Variants in SSR1 observed in about 807,000 individuals in gnomAD.
SSR1 encodes the protein signal sequence receptor subunit 1.
SSR1 carries 13 observed loss-of-function variants against 36.1 expected under a neutral mutation model. The ratio of observed to expected loss-of-function variants is 0.36; its 90% CI spans 0.23 to 0.57. The LOEUF is 0.57. SSR1 is among the 20% of genes least tolerant of loss of function. SSR1 has a pLI of 0.81. For synonymous variants in SSR1, 113 were observed against 118.9 expected (o/e 0.95, Z 0.32); for missense variants, 291 against 338.5 (o/e 0.86, Z 1.10).
chr6:7,296,087 G>A (rs762050427), intron 6 of SSR1, among the ~76,000 whole-genome samples: 13 of 151,996 alleles, frequency 8.6e-5, no homozygotes, highest in Non-Finnish European at 1.8e-4. Flanking sequence ...AAAACAAAAC[G>A]AAACCATAAA....
At chr6:7,303,493 C>A in intron 3 of SSR1, 57 bp downstream of exon 3, 2 of 1,251,890 alleles carry the variant, frequency 1.6e-6, no homozygotes, top group East Asian at 2.3e-5. Flanking sequence ...TATATATGAA[C>A]AAGCTCATCG....
intron 2 of SSR1, among the ~76,000 whole-genome samples, chr6:7,306,906 G>A (rs1473719491): frequency 3.2e-5 from 4 of 123,736 alleles, no homozygotes; most frequent in Non-Finnish European, 6.4e-5. Context: ...GACAGAGCGA[G>A]ACTCTGTCTG....
At chr6:7,295,637 G>T (rs930419611) in intron 6 of SSR1, 152 bp from the exon 7 acceptor site, 1 of 549,648 alleles carries the variant, frequency 1.8e-6, no homozygotes, top group African/African-American at 2.0e-5. Flanking sequence ...CCAAGTAGCT[G>T]GGACTATAGG....
Position 7,294,434 on chromosome 6 carries a change from TC to T in SSR1, c.793+957del, listed in dbSNP as rs572627603. ...CGGGCGTGGTGGCTCACGCCTGTAA[TC>T]CCAGGACTTTGGGAGGCCGAGGCTA... On this transcript the variant is annotated intron_variant, in intron 7 of 7. Transcript: ENST00000244763. Among the ~76,000 whole-genome samples the T allele has an allele frequency of 1.6e-3, 250 of 152,338 alleles. 4 individuals are homozygous for T. Among genetic ancestry groups the T allele is most frequent in the South Asian group, 0.011 (55 of 4,826 alleles).
At chr6:7,311,101 T>C (rs1157092975) in intron 1 of SSR1, among the ~76,000 whole-genome samples, 1 of 152,194 alleles carries the variant, frequency 6.6e-6, no homozygotes, top group East Asian at 1.9e-4. Context: ...AAAAACTGTA[T>C]TGGTAGCTTC....
chr6:7,310,501 G>A (rs1473097734), intron 1 of SSR1, among the ~76,000 whole-genome samples: 1 of 152,182 alleles, frequency 6.6e-6, no homozygotes, highest in Non-Finnish European at 1.5e-5. Context: ...AGAACTTCAA[G>A]CAACTTTGTT....
chr6:7,287,409 T>G lies in SSR1; in HGVS notation c.*2455A>C, dbSNP rs1401317181. On this transcript the variant is annotated 3_prime_UTR_variant, in exon 8 of 8. Transcript: ENST00000244763. ...AACCTTATTACTATCAAGTGAAGCT[T>G]CTTTTCTTCTGATTTCTACTTTACT... 1 of 152,242 alleles carries G rather than the reference T, an allele frequency of 6.6e-6. No homozygotes were observed. The highest frequency in any genetic ancestry group is 1.5e-5 in the Non-Finnish European group (1 of 68,044). 9.4% of individuals were successfully genotyped at this position (152,242 alleles called of 1,614,324 possible). A position where few individuals can be genotyped will look rare whatever the true frequency, so the allele number is the denominator to read the frequency against.
intron 6 of SSR1, 86 bp from the exon 7 acceptor site, chr6:7,295,571 T>C: frequency 9.9e-7 from 1 of 1,014,558 alleles, no homozygotes; most frequent in Non-Finnish European, 1.4e-6. Context: ...GGTCTTGCTA[T>C]GTTGCCCAGG....
intron 1 of SSR1, among the ~76,000 whole-genome samples, chr6:7,311,987 T>A (rs1208782876): frequency 6.6e-6 from 1 of 152,228 alleles, no homozygotes; most frequent in Non-Finnish European, 1.5e-5. Context: ...AACAGTTGTT[T>A]AATTCTCCCA....
At chr6:7,303,113 T>C (rs1301807482) in intron 3 of SSR1, among the ~76,000 whole-genome samples, 3 of 117,082 alleles carry the variant, frequency 2.6e-5, no homozygotes, top group Non-Finnish European at 4.8e-5. Flanking sequence ...CACTCCAGCC[T>C]GGGTGACAGA....
intron 4 of SSR1, 129 bp from the exon 5 acceptor site, chr6:7,298,952 A>G (rs1757864220): frequency 1.5e-6 from 1 of 672,378 alleles, no homozygotes; most frequent in Non-Finnish European, 2.5e-6. Context: ...GACTCAACAA[A>G]TTCATATGTA....
intron 2 of SSR1, among the ~76,000 whole-genome samples, chr6:7,308,196 C>T (rs188485855): frequency 1.5e-4 from 23 of 152,174 alleles, no homozygotes; most frequent in Non-Finnish European, 2.6e-4. Context: ...TAAGGAGTTC[C>T]TAAAGAGGGG....
At chr6:7,312,754 G>A (rs1396687853) in intron 1 of SSR1, among the ~76,000 whole-genome samples, 1 of 152,208 alleles carries the variant, frequency 6.6e-6, no homozygotes, top group Non-Finnish European at 1.5e-5. Flanking sequence ...GCTCCTGCAG[G>A]CGAGGGTCCA....
chr6:7,298,516 A>T (rs774366085), intron 5 of SSR1: 11 of 468,208 alleles, frequency 2.3e-5, no homozygotes, highest in Admixed American at 1.1e-4. Flanking sequence ...AAGGACAGAA[A>T]GCCAATACTA....
intron 1 of SSR1, among the ~76,000 whole-genome samples, chr6:7,312,245 G>C (rs996346474): frequency 6.6e-6 from 1 of 152,192 alleles, no homozygotes; most frequent in Non-Finnish European, 1.5e-5. Context: ...TAATTGCTGG[G>C]TTAATTGTTG....
At position 7,289,841 on chromosome 6, in the gene SSR1, C is replaced by T. The variant is rs766483867; in HGVS notation, c.*23G>A. 16 of 1,566,536 alleles carry T rather than the reference C, an allele frequency of 1.0e-5. No individual in the cohort carries two copies. In the East Asian group the frequency reaches 1.2e-4, roughly 12 times the overall value. On this transcript the variant is annotated 3_prime_UTR_variant, in exon 8 of 8. Coordinates refer to ENST00000244763, the MANE Select transcript of SSR1 (RefSeq NM_003144.5). ...ATATTAGGGCAGGTTAAGTAAAGAC[C>T]GAATTGTTGCACAAAGGAACATTTA...
chr6:7,311,533 G>C (rs1462047244), intron 1 of SSR1, among the ~76,000 whole-genome samples: 1 of 152,188 alleles, frequency 6.6e-6, no homozygotes, highest in Non-Finnish European at 1.5e-5. Flanking sequence ...TTCACTGCCT[G>C]CTGAACAAAG....
chr6:7,305,468 G>T (rs893570034), intron 2 of SSR1, among the ~76,000 whole-genome samples: 1 of 152,206 alleles, frequency 6.6e-6, no homozygotes, highest in African/African-American at 2.4e-5. Context: ...GAAGAGAAAA[G>T]CTGTCCCTGT....
chr6:7,294,598 G>T (rs781153590), intron 7 of SSR1, among the ~76,000 whole-genome samples: 1 of 152,192 alleles, frequency 6.6e-6, no homozygotes, highest in Non-Finnish European at 1.5e-5. Flanking sequence ...AGCTGAGGCA[G>T]GAGAATCACT....
Sources: allele counts gnomAD v4.1 joint callset (sites outside exome capture counted in the v4.1 genomes callset), GRCh38; gene constraint gnomAD v4.1.1; transcripts MANE v1.5; gene names NCBI Gene and HGNC (gene_info 2026-07-23, HGNC 2026-07-21).